Variants in KRT18 observed in about 807,000 individuals in gnomAD.
KRT18 encodes keratin, type I cytoskeletal 18.
A neutral mutation model predicts 39.9 loss-of-function variants in KRT18; 8 were observed. The ratio of observed to expected loss-of-function variants is 0.20; its 90% CI spans 0.12 to 0.36. The LOEUF (loss-of-function observed/expected upper bound fraction) is 0.36, where lower values mean the gene tolerates loss of function less well. Among genes scored for constraint, KRT18 ranks in the 10% least tolerant of loss-of-function variants. The pLI is 1.00. For synonymous variants in KRT18, 194 were observed against 227.8 expected, an observed-to-expected ratio of 0.85 and a Z score of 1.33; for missense variants, 396 against 565.7, an observed-to-expected ratio of 0.70 and a Z score of 3.04.
chr12:52,951,525 C>T lies in KRT18; in HGVS notation c.702C>T (p.Thr234=), dbSNP rs781046733. 2.2e-5 allele frequency: 36 copies of T among 1,613,940 alleles called. No individual in the cohort carries two copies. Among genetic ancestry groups the T allele is most frequent in the Middle Eastern group, 1.6e-4 (1 of 6,082 alleles). Residue 234 remains threonine (T), a synonymous_variant, in exon 4 of 7, where the codon ACC becomes ACT. Coordinates refer to ENST00000388835, the MANE Select transcript of KRT18 (RefSeq NM_000224.3). ...CCCAGATTGCCAGCTCTGGGTTGAC[C>T]GTGGAGGTAGATGCCCCCAAATCTC... ...LQAQIASSGL[T]VEVDAPKSQD...
chr12:52,952,608 T>C, intron 6 of KRT18, 114 bp from the exon 7 acceptor site: 1 of 1,165,832 alleles, frequency 8.6e-7, no homozygotes, highest in Non-Finnish European at 1.3e-6. Context: ...AGGAAGAGGC[T>C]GAGGGTGATT....
At chr12:52,951,310 C>T (rs553510456) in intron 3 of KRT18, among the ~76,000 whole-genome samples, 171 bp from the exon 4 acceptor site, 65 of 152,254 alleles carry the variant, frequency 4.3e-4, no homozygotes, top group African/African-American at 1.4e-3. Context: ...GGTGGCATTT[C>T]TACCCACTGG....
Position 52,951,654 on chromosome 12 carries a change from G to T in KRT18, c.822+9G>T. ...AGTACTGGTCTCAGCAGGTGCGTGA[G>T]GGGAGGGGATGGCTGCCAAGGTGTG... On this transcript the variant is annotated intron_variant, in intron 4 of 6. Coordinates refer to ENST00000388835, the MANE Select transcript of KRT18 (RefSeq NM_000224.3). 1 of 1,613,562 alleles carries T rather than the reference G, an allele frequency of 6.2e-7. No homozygotes were observed. Among genetic ancestry groups the T allele is most frequent in the East Asian group, 2.2e-5 (1 of 44,882 alleles).
At chr12:52,950,214 GCTATTCCTGGGACCAGGAAGTTTTCA>G (rs1346186189) in intron 1 of KRT18, 88 bp from the exon 2 acceptor site, 2 of 800,086 alleles carry the variant, frequency 2.5e-6, no homozygotes, top group Non-Finnish European at 4.5e-6. Flanking sequence ...AGAGCCTCTG[GCTATTCCTGGGACCAGGAAGTTTTCA>G]CTAGGATACA....
At chr12:52,949,663 G>A (rs776589260) in intron 1 of KRT18, 73 bp downstream of exon 1, 51 of 1,368,218 alleles carry the variant, frequency 3.7e-5, no homozygotes, top group Non-Finnish European at 5.0e-5. Context: ...GCCTCTTTCC[G>A]TCATTCCATA....
At chr12:52,952,476 T>C (rs1290993322) in intron 6 of KRT18, 134 bp downstream of exon 6, 1 of 773,356 alleles carries the variant, frequency 1.3e-6, no homozygotes, top group Non-Finnish European at 2.2e-6. Context: ...CCGTGGGTGC[T>C]CCTGTGTCTT....
chr12:52,951,046 C>T (rs2070876), intron 3 of KRT18, 140 bp downstream of exon 3: 289,146 of 761,054 alleles, frequency 0.38, 57,581 homozygotes, highest in East Asian at 0.56. Flanking sequence ...TAAATAAGAC[C>T]GTTCTGATGA....
Position 52,952,121 on chromosome 12 carries a change from G to A in KRT18, c.951G>A (p.Lys317=), listed in dbSNP as rs909770998. The A allele has an allele frequency of 3.2e-6, 5 of 1,558,394 alleles. No homozygotes were observed. The highest frequency in any genetic ancestry group is 4.3e-6 in the Non-Finnish European group (5 of 1,150,096). Residue 317 remains lysine (K), a splice_region_variant and synonymous_variant, in exon 6 of 7, where the codon AAG becomes AAA. Transcript: ENST00000388835. ...CCCTCCTCTCTGTGCCCCTGCAGAA[G>A]GCCAGCTTGGAGAACAGCCTGAGGG... ...EIDLDSMRNL[K]ASLENSLREV...
chr12:52,952,038 C>A, intron 5 of KRT18, 81 bp from the exon 6 acceptor site: 2 of 1,361,626 alleles, frequency 1.5e-6, no homozygotes, highest in Non-Finnish European at 2.1e-6. Flanking sequence ...AGCAGGTGCC[C>A]AAAAAAGTTT....
At position 52,949,179 on chromosome 12, in the gene KRT18, C is replaced by T. The variant is rs141170056; in HGVS notation, c.6C>T (p.Ser2=). 2.6e-4 allele frequency: 413 copies of T among 1,611,574 alleles called. 3 individuals carry two copies. The South Asian group carries it at 4.2e-3, about 16-fold the overall frequency. Residue 2 remains serine, a synonymous_variant, in exon 1 of 7, where the codon AGC becomes AGT. Transcript: ENST00000388835. ...TTTCTCTCTCCCCGGACAGCATGAG[C>T]TTCACCACTCGCTCCACCTTCTCCA... The part of the protein sequence containing the change: M[S]FTTRSTFSTN...
In KRT18 at chr12:52,949,287, C is replaced by G; in HGVS notation, c.114C>G (p.Gly38=). 6.7e-7 allele frequency: 1 copy of G among 1,486,378 alleles called. No homozygotes were observed. The allele number at this position is 1,486,378 out of a possible 1,614,324, so 92.1% of individuals were successfully genotyped here. A position where few individuals can be genotyped will look rare whatever the true frequency, so the allele number is the denominator to read the frequency against. The change falls in exon 1 of 7, where the codon GGC becomes GGG. Residue 38 remains glycine (G), a synonymous_variant. Transcript: ENST00000388835. ...GCAGCGCGGCCAGCGTCTATGCAGG[C>G]GCTGGGGGCTCTGGTTCCCGGATCT... ...PVSSAASVYA[G]AGGSGSRISV...
At chr12:52,949,117 G>A (rs1942408848), upstream of KRT18, 1 of 1,528,290 alleles carries the variant, frequency 6.5e-7, no homozygotes, top group Non-Finnish European at 9.0e-7. Context: ...GGCTCGCGCA[G>A]GCCGCCACCG....
In KRT18 at chr12:52,949,736, TAGCCACAGGGTC is replaced by T. The variant is rs1414110980; in HGVS notation, c.417+147_417+158del. ...ATACCTGGATTTCCATCCGCGCACC[TAGCCACAGGGTC>T]CCTAAGAGCAGCAGCTAGGCATGGG... On this transcript the variant is annotated intron_variant, in intron 1 of 6. Coordinates refer to ENST00000388835, the MANE Select transcript of KRT18 (RefSeq NM_000224.3). 6.6e-6 allele frequency: 5 copies of T among 763,288 alleles called. No individual in the cohort carries two copies. The East Asian group carries it at 1.3e-4, about 20-fold the overall frequency. The allele number at this position is 763,288 out of a possible 1,614,324, so 47.3% of individuals were successfully genotyped here.
chr12:52,950,970 A>G, intron 3 of KRT18, 64 bp downstream of exon 3: 2 of 1,485,128 alleles, frequency 1.3e-6, no homozygotes, highest in South Asian at 2.4e-5. Context: ...GTCGGAGAAT[A>G]GACAAGACAA....
At chr12:52,950,123 AG>A in intron 1 of KRT18, 4 of 684,182 alleles carry the variant, frequency 5.8e-6, no homozygotes, top group Non-Finnish European at 1.1e-5. Context: ...GCTTCCCAAG[AG>A]GGGCAGAGTG....
upstream of KRT18, chr12:52,949,019 C>T (rs1942404825): frequency 1.5e-6 from 1 of 672,080 alleles, no homozygotes; most frequent in Non-Finnish European, 2.5e-6. Context: ...AGGGCGCGGG[C>T]TCCGAGCCGT....
Position 52,950,765 on chromosome 12 carries a change from G to A in KRT18, c.516G>A (p.Leu172=). ...ACTCCTATAGGTATGAGACAGAGCT[G>A]GCCATGCGCCAGTCTGTGGAGAACG... ...DDFRVKYETE[L]AMRQSVENDI... is the part of the protein sequence containing the mutation. The change falls in exon 3 of 7, where the codon CTG becomes CTA. Residue 172 remains leucine (L), a synonymous_variant. Transcript: ENST00000388835. 6.2e-7 allele frequency: 1 copy of A among 1,610,836 alleles called. No homozygotes were observed. The highest frequency in any genetic ancestry group is 2.2e-5 in the East Asian group (1 of 44,866).
At chr12:52,952,423 A>C in intron 6 of KRT18, 81 bp downstream of exon 6, 3 of 1,001,694 alleles carry the variant, frequency 3.0e-6, no homozygotes, top group Non-Finnish European at 4.6e-6. Flanking sequence ...GAAGCACCCC[A>C]TGTGTCTGTT....
intron 1 of KRT18, 35 bp downstream of exon 1, chr12:52,949,625 G>A: frequency 6.4e-7 from 1 of 1,569,430 alleles, no homozygotes; most frequent in Non-Finnish European, 8.8e-7. Context: ...TCCCAGCCTT[G>A]TCTGACCCTC....
Sources: allele counts gnomAD v4.1 joint callset (sites outside exome capture counted in the v4.1 genomes callset), GRCh38; gene constraint gnomAD v4.1.1; transcripts MANE v1.5; gene names NCBI Gene and HGNC (gene_info 2026-07-23, HGNC 2026-07-21).